The following MYOM1 variants were observed in gnomAD, a reference collection of about 807,000 sequenced individuals.
MYOM1 encodes myomesin 1.
Under a neutral mutation model 205.3 loss-of-function variants are expected in MYOM1, and 164 were observed. That is an observed-to-expected ratio of 0.80 (90% CI 0.70 to 0.91). The LOEUF is 0.91. Ranked by LOEUF, MYOM1 falls within the 40% of genes least tolerant of loss-of-function variation. MYOM1 has a pLI of 0.00. For missense variants in MYOM1, 2,011 were observed against 2,127.3 expected (o/e 0.95, Z 1.08); for synonymous variants, 772 against 789.4 (o/e 0.98, Z 0.37).
intron 10 of MYOM1, among the ~76,000 whole-genome samples, chr18:3,157,910 G>A (rs1283634637): frequency 6.6e-6 from 1 of 151,468 alleles, no homozygotes; most frequent in Non-Finnish European, 1.5e-5. Context: ...CCCTCTCCCA[G>A]CCCTCCAAAT....
At chr18:3,127,305 ATTTTTTTTTTTT>A (rs1555620545) in intron 18 of MYOM1, among the ~76,000 whole-genome samples, 25 of 47,570 alleles carry the variant, frequency 5.3e-4, no homozygotes, top group African/African-American at 2.3e-3. Flanking sequence ...ATATATATAT[ATTTTTTTTTTTT>A]TTTTTTTTGA....
chr18:3,078,702 C>T (rs953458112), intron 34 of MYOM1, among the ~76,000 whole-genome samples: 15 of 152,104 alleles, frequency 9.9e-5, no homozygotes, highest in Non-Finnish European at 2.2e-4. Context: ...TCCCAAAGTG[C>T]TAGGATTAAA....
chr18:3,156,925 C>G (rs367921292), intron 10 of MYOM1, among the ~76,000 whole-genome samples: 9 of 152,280 alleles, frequency 5.9e-5, no homozygotes, highest in South Asian at 2.1e-4. Context: ...TTCTTTCCTT[C>G]CAGGCTTTCA....
chr18:3,082,552 GA>G (rs1284275540), intron 33 of MYOM1, among the ~76,000 whole-genome samples: 1 of 152,172 alleles, frequency 6.6e-6, no homozygotes, highest in Non-Finnish European at 1.5e-5. Context: ...CCCTCCTGGG[GA>G]TGCCATGTGA....
chr18:3,220,646 G>A (rs145740863), upstream of MYOM1, among the ~76,000 whole-genome samples: 542 of 152,252 alleles, frequency 3.6e-3, 2 homozygotes, highest in Non-Finnish European at 5.5e-3. Flanking sequence ...GGTGTAACCC[G>A]GTTGTGAGAG....
chr18:3,243,548 T>A, the MYOM1 span, among the ~76,000 whole-genome samples: 3 of 152,250 alleles, frequency 2.0e-5, no homozygotes, highest in Non-Finnish European at 4.4e-5. Flanking sequence ...ACTAGCTATG[T>A]GCACTTGAAC....
intron 5 of MYOM1, among the ~76,000 whole-genome samples, chr18:3,177,445 CATTATTATTATTATT>C (rs138933689): frequency 0.22 from 31,032 of 139,154 alleles, 3,625 homozygotes; most frequent in East Asian, 0.27. Context: ...GAAGCAATAT[CATTATTATTATTATT>C]ATTATTATTA....
chr18:3,113,332 A>ATATATG (rs1555618832), intron 21 of MYOM1, among the ~76,000 whole-genome samples: 1 of 6,534 alleles, frequency 1.5e-4, no homozygotes, highest in Admixed American at 3.6e-3. Context: ...ATATATATAT[A>ATATATG]TATGTATGTA....
intron 37 of MYOM1, among the ~76,000 whole-genome samples, chr18:3,070,050 C>A (rs1285164940): frequency 3.3e-5 from 5 of 152,220 alleles, no homozygotes; most frequent in Admixed American, 3.3e-4. Flanking sequence ...ATTCCAGTCA[C>A]CCACTGTATG....
chr18:3,243,805 G>C, the MYOM1 span, among the ~76,000 whole-genome samples: 3 of 152,100 alleles, frequency 2.0e-5, no homozygotes, highest in African/African-American at 7.2e-5. Context: ...ATCTCACAGG[G>C]TTGTTGTAAG....
At chr18:3,187,379 G>A in intron 5 of MYOM1, 101 bp downstream of exon 5, 1 of 1,284,890 alleles carries the variant, frequency 7.8e-7, no homozygotes, top group Non-Finnish European at 1.1e-6. Context: ...TCTTGTAGAT[G>A]TCTTCATTGA....
rs2079884349 is a variant in MYOM1, at chr18:3,132,060, A to G, written c.2385-564T>C. ...ATATATGTATATATAATAATAATAT[A>G]TACATATATAATAATATATATGAGT... On this transcript the variant is annotated intron_variant, in intron 16 of 37. Transcript: ENST00000356443. Among the ~76,000 whole-genome samples the G allele has an allele frequency of 2.7e-5, 4 of 147,524 alleles. No individual in the cohort carries two copies. The Admixed American group carries it at 2.7e-4, about 10-fold the overall frequency.
chr18:3,111,462 A>G (rs528007502), intron 22 of MYOM1, among the ~76,000 whole-genome samples: 2 of 152,150 alleles, frequency 1.3e-5, no homozygotes, highest in African/African-American at 4.8e-5. Context: ...GAATCTATAA[A>G]CCATTCAGTT....
chr18:3,215,183 T>C lies in MYOM1; in HGVS notation c.41A>G (p.Asp14Gly), dbSNP rs1226835816. Residue 14 changes from aspartate (D) to glycine (G), a missense_variant, in exon 2 of 38, where the codon GAT (aspartate) becomes GGT (glycine). Physicochemically the swap from Asp to Gly is moderately conservative, Grantham distance 94. Transcript: ENST00000356443. ...CACGTCCTTGTTGCGGTAGCTGAGA[T>C]CATAGTGCTGGTGGCACCTCTGATA... ...PFYQRCHQHYDLSYRNKDVRS... is the reference protein window; with the variant it reads ...PFYQRCHQHYGLSYRNKDVRS... The C allele has an allele frequency of 1.2e-6, 2 of 1,613,256 alleles. No individual in the cohort carries two copies. Among genetic ancestry groups the C allele is most frequent in the Non-Finnish European group, 8.5e-7 (1 of 1,179,644 alleles).
At chr18:3,096,346 C>T (rs1202265512) in intron 25 of MYOM1, among the ~76,000 whole-genome samples, 1 of 152,124 alleles carries the variant, frequency 6.6e-6, no homozygotes, top group Non-Finnish European at 1.5e-5. Context: ...TGCTTAAATA[C>T]TCTATAAAGA....
chr18:3,193,353 T>TACACACACAC (rs1216529037), intron 3 of MYOM1, among the ~76,000 whole-genome samples: 6 of 103,164 alleles, frequency 5.8e-5, no homozygotes. Flanking sequence ...TATACATATA[T>TACACACACAC]ATATATATAC....
At chr18:3,191,263 G>A (rs559477788) in intron 3 of MYOM1, among the ~76,000 whole-genome samples, 8 of 152,320 alleles carry the variant, frequency 5.3e-5, no homozygotes, top group Non-Finnish European at 1.2e-4. Context: ...GAATATAAGT[G>A]GAAATTTCAG....
intron 19 of MYOM1, among the ~76,000 whole-genome samples, chr18:3,123,541 T>A (rs2079729709): frequency 6.6e-6 from 1 of 152,038 alleles, no homozygotes; most frequent in Non-Finnish European, 1.5e-5. Context: ...CAATATTTTT[T>A]AAATGTCAAT....
intron 2 of MYOM1, among the ~76,000 whole-genome samples, chr18:3,211,434 A>G (rs144427171): frequency 2.2e-3 from 332 of 152,282 alleles, no homozygotes; most frequent in Non-Finnish European, 3.8e-3. Flanking sequence ...AAAAATTCTC[A>G]TCTGTGCATA....
Sources: allele counts gnomAD v4.1 joint callset (sites outside exome capture counted in the v4.1 genomes callset), GRCh38; gene constraint gnomAD v4.1.1; transcripts MANE v1.5; gene names NCBI Gene and HGNC (gene_info 2026-07-23, HGNC 2026-07-21).